SPINK5: variants seen among roughly 807,000 people sequenced by gnomAD.
The protein encoded by SPINK5 is serine protease inhibitor Kazal-type 5.
In SPINK5, 125 loss-of-function variants were observed where a neutral mutation model predicts 151.8. The ratio of observed to expected loss-of-function variants is 0.82; its 90% confidence interval spans 0.71 to 0.96. The LOEUF (loss-of-function observed/expected upper bound fraction) is 0.96, where lower values mean the gene tolerates loss of function less well. Among genes scored for constraint, SPINK5 ranks in the 40% least tolerant of loss-of-function variants. The probability of loss-of-function intolerance (pLI) is 0.00; values close to 1 mark genes in which losing one functional copy is unlikely to be tolerated. For missense variants in SPINK5, 1,194 were observed against 1,291.9 expected, an observed-to-expected ratio of 0.92 and a Z score of 1.16; for synonymous variants, 374 against 395.3, an observed-to-expected ratio of 0.95 and a Z score of 0.64.
chr5:148,112,685 A>AAAAC lies in SPINK5; in HGVS notation c.1821-171_1821-168dup, dbSNP rs149567477. Among the ~76,000 whole-genome samples the AAAAC allele has an allele frequency of 0.15, 22,857 of 151,502 alleles. 2,362 individuals are homozygous for AAAAC. The highest frequency in any genetic ancestry group is 0.32 in the East Asian group (1,615 of 5,110). On this transcript the variant is annotated intron_variant, in intron 19 of 32. Coordinates refer to ENST00000256084, the MANE Select transcript of SPINK5 (RefSeq NM_006846.4). ...AGACTCCATCTCAAAAAAAAACCAA[A>AAAAC]AAACAAACAAACAAAAGGACAAGAA...
At chr5:148,123,512 A>ATTATATATATATATATATATAT (rs1561703850) in intron 26 of SPINK5, among the ~76,000 whole-genome samples, 1 of 120,952 alleles carries the variant, frequency 8.3e-6, no homozygotes, top group African/African-American at 3.5e-5. Context: ...GCAGTGGTGC[A>ATTATATATATATATATATATAT]ATATATGTGT....
chr5:148,092,873 A>G lies in SPINK5; in HGVS notation c.667-1481A>G, dbSNP rs114859935. ...TAGGATTCTCTGTTAAAGCATCCCAATGGAATTTGAATTATTTTTTAAAAA... is the reference window on the plus strand; with the variant it reads ...TAGGATTCTCTGTTAAAGCATCCCAGTGGAATTTGAATTATTTTTTAAAAA... On this transcript the variant is annotated intron_variant, in intron 8 of 32. Transcript: ENST00000256084. Among the ~76,000 whole-genome samples the G allele has an allele frequency of 9.6e-3, 1,454 of 152,020 alleles. 32 individuals carry two copies. Among genetic ancestry groups the G allele is most frequent in the African/African-American group, 0.033 (1,384 of 41,510 alleles).
chr5:148,121,760 C>A (rs887661233), intron 26 of SPINK5, among the ~76,000 whole-genome samples: 11 of 151,616 alleles, frequency 7.3e-5, no homozygotes, highest in Middle Eastern at 3.2e-3. Context: ...GAGTTCAAAA[C>A]CAGCCTGGGC....
At chr5:148,115,682 G>A (rs1216251845) in intron 21 of SPINK5, among the ~76,000 whole-genome samples, 2 of 152,092 alleles carry the variant, frequency 1.3e-5, no homozygotes, top group South Asian at 2.1e-4. Flanking sequence ...TTTTGTGAAA[G>A]GTAGAAAATC....
intron 8 of SPINK5, among the ~76,000 whole-genome samples, chr5:148,093,650 C>T (rs1388516389): frequency 6.6e-6 from 1 of 150,686 alleles, no homozygotes; most frequent in Non-Finnish European, 1.5e-5. Flanking sequence ...CTTCTCACAA[C>T]TTTTTTTTCT....
Position 148,125,870 on chromosome 5 carries a change from TC to T in SPINK5, c.2867+25del, listed in dbSNP as rs774343247. ...TGTCTTGTGAGTAAGAGGATTCTGC[TC>T]CCCCTGTAGCTAGCAGGGGAACTGC... is the stretch of plus-strand genomic sequence containing the variant. On this transcript the variant is annotated intron_variant, in intron 29 of 32. Transcript: ENST00000256084. 1.9e-6 allele frequency: 3 copies of T among 1,614,078 alleles called. No homozygotes were observed. In the South Asian group the frequency reaches 3.3e-5, roughly 18 times the overall value.
chr5:148,095,714 A>T (rs1474695210), intron 9 of SPINK5, 104 bp from the exon 10 acceptor site: 1 of 958,148 alleles, frequency 1.0e-6, no homozygotes, highest in African/African-American at 1.6e-5. Flanking sequence ...AAGTGTTTGT[A>T]CTAAAACTCA....
At chr5:148,116,592 C>A in intron 22 of SPINK5, 126 bp downstream of exon 22, 1 of 943,420 alleles carries the variant, frequency 1.1e-6, no homozygotes, top group Non-Finnish European at 1.7e-6. Context: ...GAAGTTTCTC[C>A]TTAAGGTTGC....
chr5:148,113,887 A>G (rs976427453), intron 20 of SPINK5, among the ~76,000 whole-genome samples: 2 of 152,178 alleles, frequency 1.3e-5, no homozygotes, highest in Non-Finnish European at 2.9e-5. Flanking sequence ...TTTGCTAAAT[A>G]TAACTAGTTA....
At chr5:148,089,451 T>C in intron 6 of SPINK5, 43 bp from the exon 7 acceptor site, 1 of 1,610,900 alleles carries the variant, frequency 6.2e-7, no homozygotes, top group South Asian at 1.1e-5. Context: ...GTTGTCAGCA[T>C]TACAATCTTG....
intron 30 of SPINK5, among the ~76,000 whole-genome samples, chr5:148,128,559 T>C (rs10875630): frequency 0.56 from 85,218 of 152,012 alleles, 24,622 homozygotes; most frequent in Admixed American, 0.65. Context: ...GAGGGAGTCT[T>C]GCTCTTTCGC....
intron 11 of SPINK5, 92 bp downstream of exon 11, chr5:148,098,086 C>T (rs1299228942): frequency 4.3e-5 from 54 of 1,248,726 alleles, no homozygotes; most frequent in Non-Finnish European, 6.1e-5. Context: ...GAGACTGTGG[C>T]TCAAGACAGG....
chr5:148,077,636 G>A (rs1581056838), intron 4 of SPINK5, among the ~76,000 whole-genome samples: 1 of 66,336 alleles, frequency 1.5e-5, no homozygotes, highest in African/African-American at 7.1e-5. Context: ...TGTTTTATCA[G>A]GTATATATAT....
At chr5:148,136,906 G>A in intron 32 of SPINK5, 77 bp from the exon 33 acceptor site, 6 of 1,541,794 alleles carry the variant, frequency 3.9e-6, no homozygotes, top group South Asian at 2.2e-5. Context: ...TGATTAAGAT[G>A]CAGCTATAAA....
rs1331888811 is a variant in SPINK5 at position 148,072,210 on chromosome 5, C to A, written c.272C>A (p.Ala91Asp). 1.2e-6 allele frequency: 2 copies of A among 1,612,114 alleles called. No homozygotes were observed. Among genetic ancestry groups the A allele is most frequent in the Non-Finnish European group, 1.7e-6 (2 of 1,178,614 alleles). The change falls in exon 4 of 33, where the codon GCC (alanine) becomes GAC (aspartate). Residue 91 changes from alanine (A) to aspartate (D), a missense_variant. Transcript: ENST00000256084. ...RHLARAPKAT[A>D]PTELNCDDFK... ...TTAGCAAGAGCTCCCAAGGCTACTG[C>A]CCCAACAGAGGTGAGACTATTTGGA...
chr5:148,131,485 G>A, intron 31 of SPINK5, 96 bp downstream of exon 31: 2 of 1,537,588 alleles, frequency 1.3e-6, no homozygotes, highest in African/African-American at 1.4e-5. Flanking sequence ...TTCGAAATGT[G>A]TTGCAAGTAA....
At chr5:148,088,753 A>G (rs997661195) in intron 6 of SPINK5, 148 bp downstream of exon 6, 15 of 776,216 alleles carry the variant, frequency 1.9e-5, no homozygotes, top group Admixed American at 7.0e-5. Context: ...CTGCCCACTA[A>G]TATGAAAAAG....
At chr5:148,123,399 G>T (rs1336215555) in intron 26 of SPINK5, among the ~76,000 whole-genome samples, 2,005 of 83,920 alleles carry the variant, frequency 0.024, 60 homozygotes, top group African/African-American at 0.077. Context: ...TATATATATA[G>T]ATAGATATAA....
intron 18 of SPINK5, among the ~76,000 whole-genome samples, chr5:148,109,969 G>T (rs998009884): frequency 5.3e-5 from 8 of 152,122 alleles, no homozygotes; most frequent in African/African-American, 1.9e-4. Flanking sequence ...GCCACCTTTT[G>T]GTTTCTGGGA....
Sources: allele counts gnomAD v4.1 joint callset (sites outside exome capture counted in the v4.1 genomes callset), GRCh38; gene constraint gnomAD v4.1.1; transcripts MANE v1.5; gene names NCBI Gene and HGNC (gene_info 2026-07-23, HGNC 2026-07-21).